The following EYA2 variants were observed in gnomAD, a reference collection of about 807,000 sequenced individuals.
The protein encoded by EYA2 is protein phosphatase EYA2.
In EYA2, 31 loss-of-function variants were observed where a neutral mutation model predicts 69.2. That is an observed-to-expected ratio of 0.45 (90% confidence interval 0.34 to 0.60). The LOEUF is 0.60. Among genes scored for constraint, EYA2 ranks in the 20% least tolerant of loss-of-function variants. The pLI is 0.02. For synonymous variants in EYA2, 257 were observed against 279.4 expected (o/e 0.92, Z 0.80); for missense variants, 622 against 701.2 (o/e 0.89, Z 1.28).
intron 15 of EYA2, 97 bp downstream of exon 15, chr20:47,183,488 G>A: frequency 1.8e-6 from 2 of 1,088,124 alleles, no homozygotes; most frequent in South Asian, 1.5e-5. Context: ...ACTCCCCGTG[G>A]CTGGCTGGGT....
intron 9 of EYA2, among the ~76,000 whole-genome samples, chr20:47,131,548 T>C (rs1272469595): frequency 6.6e-6 from 1 of 152,184 alleles, no homozygotes; most frequent in East Asian, 1.9e-4. Flanking sequence ...AAAGGGACTT[T>C]GCAGCTGTGA....
intron 10 of EYA2, among the ~76,000 whole-genome samples, chr20:47,166,495 C>T (rs1005404243): frequency 7.0e-6 from 1 of 142,964 alleles, no homozygotes; most frequent in Non-Finnish European, 1.5e-5. Context: ...ACCCTTTCTT[C>T]CAATTTCTCT....
intron 5 of EYA2, among the ~76,000 whole-genome samples, chr20:47,019,833 G>A (rs1383377750): frequency 6.6e-6 from 1 of 151,904 alleles, no homozygotes; most frequent in African/African-American, 2.4e-5. Flanking sequence ...TCTGGGCATG[G>A]TGATGCATGC....
intron 5 of EYA2, among the ~76,000 whole-genome samples, chr20:47,055,435 G>T (rs1166647943): frequency 6.6e-6 from 1 of 152,138 alleles, no homozygotes; most frequent in African/African-American, 2.4e-5. Flanking sequence ...TATTGTATCA[G>T]ATCATGTCAC....
chr20:46,949,007 G>T (rs1473799894), intron 1 of EYA2, among the ~76,000 whole-genome samples: 2 of 152,094 alleles, frequency 1.3e-5, no homozygotes, highest in Non-Finnish European at 2.9e-5. Context: ...AATGTTACTC[G>T]CATTGTACAG....
chr20:46,974,816 G>C (rs1369003586), intron 1 of EYA2, among the ~76,000 whole-genome samples: 1 of 152,108 alleles, frequency 6.6e-6, no homozygotes, highest in Non-Finnish European at 1.5e-5. Context: ...CCAGGGCCCT[G>C]CTGAACCCAA....
At chr20:46,942,053 G>T (rs984267539) in intron 1 of EYA2, among the ~76,000 whole-genome samples, 2 of 152,180 alleles carry the variant, frequency 1.3e-5, no homozygotes, top group Non-Finnish European at 2.9e-5. Context: ...CCCTGTGCCT[G>T]GCCTAGACGT....
intron 1 of EYA2, among the ~76,000 whole-genome samples, chr20:46,898,324 CTG>C (rs1484744235): frequency 2.0e-5 from 3 of 146,368 alleles, no homozygotes; most frequent in Non-Finnish European, 4.5e-5. Context: ...AGTTGGTAGA[CTG>C]TGCTCAAAAG....
At chr20:46,951,607 G>A (rs1978800502) in intron 1 of EYA2, among the ~76,000 whole-genome samples, 1 of 152,120 alleles carries the variant, frequency 6.6e-6, no homozygotes, top group South Asian at 2.1e-4. Context: ...CTACATCATG[G>A]GCCACCAGGG....
Position 46,922,643 on chromosome 20 carries a change from C to G in EYA2, c.-11+27656C>G, listed in dbSNP as rs145905309. Among the ~76,000 whole-genome samples, 19 of 152,160 alleles carry G rather than the reference C, an allele frequency of 1.2e-4. No individual in the cohort carries two copies. In the East Asian group the frequency reaches 3.7e-3, roughly 29 times the overall value. The stretch of plus-strand genomic sequence containing the variant: ...TGTGCTTACAGTCGAATGCCGAGGA[C>G]CAGCTAGAATTGTGGGGGAGAGCTG... On this transcript the variant is annotated intron_variant, in intron 1 of 15. Transcript: ENST00000327619.
chr20:46,998,639 C>T (rs1003999999), intron 2 of EYA2, among the ~76,000 whole-genome samples: 2 of 152,164 alleles, frequency 1.3e-5, no homozygotes, highest in African/African-American at 4.8e-5. Context: ...GAGAGCCCTG[C>T]CTTATCATGT....
At chr20:46,930,997 G>T (rs1418080564) in intron 1 of EYA2, among the ~76,000 whole-genome samples, 1 of 152,184 alleles carries the variant, frequency 6.6e-6, no homozygotes, top group African/African-American at 2.4e-5. Context: ...CCCATTAGGT[G>T]CCAGTGTGAT....
chr20:46,925,354 C>G (rs1192342721), intron 1 of EYA2, among the ~76,000 whole-genome samples: 2 of 152,138 alleles, frequency 1.3e-5, no homozygotes, highest in African/African-American at 2.4e-5. Flanking sequence ...AAATAAAACA[C>G]CTCAGCATAA....
intron 10 of EYA2, chr20:47,161,229 T>C (rs1277497068): frequency 4.0e-6 from 2 of 506,272 alleles, no homozygotes; most frequent in Non-Finnish European, 7.3e-6. Context: ...CAGTAGCCTC[T>C]GCACATGGGG....
chr20:47,158,707 T>C (rs557695549), intron 10 of EYA2, among the ~76,000 whole-genome samples: 1 of 152,064 alleles, frequency 6.6e-6, no homozygotes, highest in South Asian at 2.1e-4. Context: ...TCCCAGAGCA[T>C]CTTTTAGCAC....
intron 9 of EYA2, among the ~76,000 whole-genome samples, chr20:47,123,772 C>G (rs2033110511): frequency 6.6e-6 from 1 of 152,144 alleles, no homozygotes; most frequent in Non-Finnish European, 1.5e-5. Context: ...AGGCAGATCA[C>G]TTGAGGTCAA....
chr20:46,960,700 G>A (rs1979422190), intron 1 of EYA2, among the ~76,000 whole-genome samples: 2 of 152,172 alleles, frequency 1.3e-5, no homozygotes, highest in Non-Finnish European at 2.9e-5. Flanking sequence ...TTTATATGCA[G>A]CTGCTTTCAC....
Position 46,987,916 on chromosome 20 carries a change from G to GACTCTCTCTCCCTCTCTCTCTC in EYA2, c.-10-2085_-10-2084insACTCTCTCTCCCTCTCTCTCTC, listed in dbSNP as rs56288405. Among the ~76,000 whole-genome samples, 136 of 20,368 alleles carry GACTCTCTCTCCCTCTCTCTCTC rather than the reference G, an allele frequency of 6.7e-3. 33 individuals are homozygous for GACTCTCTCTCCCTCTCTCTCTC. Among genetic ancestry groups the GACTCTCTCTCCCTCTCTCTCTC allele is most frequent in the East Asian group, 0.012 (7 of 596 alleles). 13.4% of individuals were successfully genotyped at this position (20,368 alleles called of 152,430 possible). On this transcript the variant is annotated intron_variant, in intron 1 of 15. Transcript: ENST00000327619. ...TACTCCAGCCTGGAAGACAGAGTAA[G>GACTCTCTCTCCCTCTCTCTCTC]TCTCTCTCTCTCTCTCTCTCTCTCT...
At chr20:47,082,291 AAAG>A (rs1379834074) in intron 7 of EYA2, among the ~76,000 whole-genome samples, 2 of 152,178 alleles carry the variant, frequency 1.3e-5, no homozygotes, top group African/African-American at 4.8e-5. Context: ...AAAAATAAGA[AAAG>A]AAGAAGTAAA....
Sources: gnomAD v4.1 joint callset for allele counts (sites outside exome capture counted in the v4.1 genomes callset) on GRCh38, gnomAD v4.1.1 for gene constraint, MANE v1.5 for transcripts, NCBI Gene and HGNC (gene_info 2026-07-23, HGNC 2026-07-21) for gene names.